FAM171A1: variants seen among roughly 807,000 people sequenced by gnomAD.
The protein encoded by FAM171A1 is family with sequence similarity 171 member A1.
Under a neutral mutation model 74.9 loss-of-function variants are expected in FAM171A1, and 23 were observed. That is an observed-to-expected ratio of 0.31 (90% confidence interval 0.22 to 0.44). The LOEUF (loss-of-function observed/expected upper bound fraction) is 0.44, where lower values mean the gene tolerates loss of function less well. FAM171A1 is among the 20% of genes least tolerant of loss of function. The pLI is 1.00. For missense variants in FAM171A1, 1,162 were observed against 1,159.2 expected, an observed-to-expected ratio of 1.00 and a Z score of -0.03; for synonymous variants, 527 against 505.7, an observed-to-expected ratio of 1.04 and a Z score of -0.57.
Position 15,227,076 on chromosome 10 carries a change from T to G in FAM171A1, c.755-6016A>C, listed in dbSNP as rs138447821. On this transcript the variant is annotated intron_variant, in intron 5 of 7. Transcript: ENST00000378116. ...GTGCAGTGGTGCAATCTCAGCTCAC[T>G]GCAACCTCTGCCTCCTGGGTTCAAG... 3.4e-3 allele frequency among the ~76,000 whole-genome samples: 519 copies of G among 152,302 alleles called. 1 individual carries two copies. Among genetic ancestry groups the G allele is most frequent in the Non-Finnish European group, 4.2e-3 (287 of 68,022 alleles).
rs78310149 is a variant in FAM171A1 at position 15,279,113 on chromosome 10, G to C, written c.326-3166C>G. Among the ~76,000 whole-genome samples, 1,461 of 152,240 alleles carry C rather than the reference G, an allele frequency of 9.6e-3. 24 individuals carry two copies. Among genetic ancestry groups the C allele is most frequent in the African/African-American group, 0.033 (1,382 of 41,546 alleles). ...GACCACCTCTGAGCTGACCGGTTTGGGGGGCTCGGAGCTCCGAAATCACCT... is the reference window on the plus strand; with the variant it reads ...GACCACCTCTGAGCTGACCGGTTTGCGGGGCTCGGAGCTCCGAAATCACCT... On this transcript the variant is annotated intron_variant, in intron 2 of 7. Coordinates refer to ENST00000378116, the MANE Select transcript of FAM171A1 (RefSeq NM_001010924.2).
intron 1 of FAM171A1, among the ~76,000 whole-genome samples, chr10:15,334,360 G>A (rs1835676454): frequency 6.6e-6 from 1 of 152,204 alleles, no homozygotes; most frequent in Non-Finnish European, 1.5e-5. Context: ...GCTGCTCTGG[G>A]AATCAGGAGA....
chr10:15,285,711 T>C (rs182546315), intron 1 of FAM171A1, among the ~76,000 whole-genome samples: 3 of 152,270 alleles, frequency 2.0e-5, no homozygotes, highest in Admixed American at 1.3e-4. Flanking sequence ...CTGCCTCTGA[T>C]CTGAAAGACT....
At position 15,222,428 on chromosome 10, in the gene FAM171A1, G is replaced by A. The variant is rs769095893; in HGVS notation, c.755-1368C>T. On this transcript the variant is annotated intron_variant, in intron 5 of 7. Coordinates refer to ENST00000378116, the MANE Select transcript of FAM171A1 (RefSeq NM_001010924.2). ...ACAAACCCGTACATCGTGTGACTGC[G>A]CTGAATACCATAGGCCACCGTCACA... Among the ~76,000 whole-genome samples, 46 of 152,272 alleles carry A rather than the reference G, an allele frequency of 3.0e-4. 1 individual carries two copies. Among genetic ancestry groups the A allele is most frequent in the Admixed American group, 1.1e-3 (17 of 15,290 alleles).
chr10:15,262,425 G>C (rs74123117), intron 3 of FAM171A1, among the ~76,000 whole-genome samples: 2,386 of 152,324 alleles, frequency 0.016, 76 homozygotes, highest in African/African-American at 0.054. Flanking sequence ...CCATGAAGGA[G>C]ATTGAGAAGC....
At chr10:15,282,850 T>C (rs1195374741) in intron 2 of FAM171A1, among the ~76,000 whole-genome samples, 2 of 152,202 alleles carry the variant, frequency 1.3e-5, no homozygotes, top group East Asian at 3.9e-4. Context: ...TCCTGTTGTG[T>C]GGGCTCTCCT....
At chr10:15,221,755 C>T (rs1182788495) in intron 5 of FAM171A1, among the ~76,000 whole-genome samples, 2 of 151,926 alleles carry the variant, frequency 1.3e-5, no homozygotes, top group African/African-American at 2.4e-5. Flanking sequence ...CTCACCACAA[C>T]AATGAAGACT....
chr10:15,301,362 A>ATATATATTT (rs575709720), intron 1 of FAM171A1, among the ~76,000 whole-genome samples: 19 of 141,560 alleles, frequency 1.3e-4, no homozygotes, highest in East Asian at 1.0e-3. Flanking sequence ...ATATATATAT[A>ATATATATTT]TTTTTTTTTT....
chr10:15,366,302 T>C (rs1442079241), intron 1 of FAM171A1, among the ~76,000 whole-genome samples: 2 of 152,110 alleles, frequency 1.3e-5, no homozygotes, highest in African/African-American at 2.4e-5. Flanking sequence ...GTATTTTTAA[T>C]AGAGATGAGG....
chr10:15,372,532 C>G (rs1271913645), upstream of FAM171A1, among the ~76,000 whole-genome samples: 2 of 17,634 alleles, frequency 1.1e-4, no homozygotes, highest in Middle Eastern at 0.036. Flanking sequence ...CCTGTCTCTA[C>G]CAAAAATACA....
At chr10:15,247,102 G>C (rs942868074) in intron 5 of FAM171A1, among the ~76,000 whole-genome samples, 30 of 152,188 alleles carry the variant, frequency 2.0e-4, no homozygotes, top group African/African-American at 6.8e-4. Flanking sequence ...TACAGCATTG[G>C]TTAGAATAGT....
intron 3 of FAM171A1, among the ~76,000 whole-genome samples, chr10:15,265,693 A>G (rs2131784001): frequency 6.6e-6 from 1 of 151,814 alleles, no homozygotes; most frequent in African/African-American, 2.4e-5. Context: ...CAATTATTCA[A>G]TGAATTACTC....
chr10:15,263,487 G>A (rs886468636), intron 3 of FAM171A1, among the ~76,000 whole-genome samples: 6 of 152,206 alleles, frequency 3.9e-5, no homozygotes, highest in Non-Finnish European at 8.8e-5. Flanking sequence ...TCACAGACAA[G>A]TTTGGAAACA....
chr10:15,227,599 T>C (rs895247605), intron 5 of FAM171A1, among the ~76,000 whole-genome samples: 3 of 152,164 alleles, frequency 2.0e-5, no homozygotes, highest in African/African-American at 7.2e-5. Context: ...CAGGATGGTC[T>C]TGAACTTCTG....
intron 3 of FAM171A1, among the ~76,000 whole-genome samples, chr10:15,262,808 A>C (rs1359221067): frequency 6.6e-6 from 1 of 152,154 alleles, no homozygotes; most frequent in Non-Finnish European, 1.5e-5. Context: ...GGTGATAACA[A>C]ATGGGCTCCA....
intron 1 of FAM171A1, among the ~76,000 whole-genome samples, chr10:15,343,465 C>A (rs2131872427): frequency 6.6e-6 from 1 of 152,300 alleles, no homozygotes; most frequent in Admixed American, 6.5e-5. Flanking sequence ...ATCACTGTGC[C>A]ATTCCATAAA....
In FAM171A1 at chr10:15,275,288, G is replaced by GTT. The variant is rs368213766; in HGVS notation, c.418+565_418+566dup. Among the ~76,000 whole-genome samples, 563 of 140,090 alleles carry GTT rather than the reference G, an allele frequency of 4.0e-3. 4 individuals are homozygous for GTT. The highest frequency in any genetic ancestry group is 0.013 in the African/African-American group (490 of 38,158). The allele number at this position is 140,090 out of a possible 152,430, so 91.9% of individuals were successfully genotyped here. On this transcript the variant is annotated intron_variant, in intron 3 of 7. Coordinates refer to ENST00000378116, the MANE Select transcript of FAM171A1 (RefSeq NM_001010924.2). ...AAAATAATAAGTGGATTCCATTTAAGTTTTTTTTTTTTTTTTGAGATGAAG... is the reference window on the plus strand; with the variant it reads ...AAAATAATAAGTGGATTCCATTTAAGTTTTTTTTTTTTTTTTTTGAGATGAAG...
chr10:15,350,411 C>T (rs1835864043), intron 1 of FAM171A1, among the ~76,000 whole-genome samples: 1 of 152,002 alleles, frequency 6.6e-6, no homozygotes, highest in African/African-American at 2.4e-5. Context: ...GATCTCGGCT[C>T]ACTGCAACCT....
chr10:15,215,715 G>C (rs1833958284), intron 7 of FAM171A1, among the ~76,000 whole-genome samples: 1 of 152,024 alleles, frequency 6.6e-6, no homozygotes, highest in Admixed American at 6.6e-5. Context: ...CTCTTAATCA[G>C]CGTTCAGGAA....
Sources: gnomAD v4.1 joint callset for allele counts (sites outside exome capture counted in the v4.1 genomes callset) on GRCh38, gnomAD v4.1.1 for gene constraint, MANE v1.5 for transcripts, NCBI Gene and HGNC (gene_info 2026-07-23, HGNC 2026-07-21) for gene names.